The following RARB variants were observed in gnomAD, a reference collection of about 807,000 sequenced individuals.
RARB encodes the protein retinoic acid receptor beta.
RARB carries 17 observed loss-of-function variants against 51.9 expected under a neutral mutation model. The observed-to-expected ratio is 0.33, with a 90% CI of 0.22 to 0.49. The LOEUF (loss-of-function observed/expected upper bound fraction) is 0.49, where lower values mean the gene tolerates loss of function less well. RARB is among the 20% of genes least tolerant of loss of function. RARB has a pLI of 0.99. For synonymous variants in RARB, 215 were observed against 195.4 expected (o/e 1.10, Z -0.84); for missense variants, 369 against 550.8 (o/e 0.67, Z 3.30).
At chr3:25,055,690 C>T (rs1698425205) in intron 2 of RARB, among the ~76,000 whole-genome samples, 1 of 152,008 alleles carries the variant, frequency 6.6e-6, no homozygotes, top group South Asian at 2.1e-4. Context: ...AATAAAGGGA[C>T]AGTAGCAAGC....
intron 3 of RARB, among the ~76,000 whole-genome samples, chr3:25,112,905 T>G (rs1420866145): frequency 6.6e-6 from 1 of 152,174 alleles, no homozygotes; most frequent in Non-Finnish European, 1.5e-5. Flanking sequence ...TGCAAGATCT[T>G]CTGTGTTCTT....
intron 2 of RARB, among the ~76,000 whole-genome samples, chr3:24,995,562 T>G (rs1697003358): frequency 6.6e-6 from 1 of 151,988 alleles, no homozygotes; most frequent in Admixed American, 6.6e-5. Flanking sequence ...TAGAGGAAAA[T>G]CTTTCAGCTT....
chr3:25,396,292 T>G (rs1575369641), intron 5 of RARB, among the ~76,000 whole-genome samples: 1 of 152,206 alleles, frequency 6.6e-6, no homozygotes, highest in Non-Finnish European at 1.5e-5. Context: ...TCTTTGAGGG[T>G]CCTTGGTTGT....
At chr3:25,340,770 AT>A (rs1373303638) in intron 5 of RARB, among the ~76,000 whole-genome samples, 3 of 152,178 alleles carry the variant, frequency 2.0e-5, no homozygotes, top group African/African-American at 7.2e-5. Flanking sequence ...CTGGCAAGGA[AT>A]TTTAGGGAGG....
chr3:25,195,996 G>A (rs765392709), intron 5 of RARB, among the ~76,000 whole-genome samples: 4 of 151,830 alleles, frequency 2.6e-5, no homozygotes, highest in Non-Finnish European at 4.4e-5. Flanking sequence ...CCTCTGCTTC[G>A]AGTCATTTAA....
chr3:25,441,403 C>T lies in RARB; in HGVS notation c.157+12515C>T, dbSNP rs577704913. The T allele has an allele frequency of 6.0e-5, 13 of 218,056 alleles. No individual in the cohort carries two copies. In the South Asian group the frequency reaches 8.1e-4, roughly 14 times the overall value. 13.5% of individuals were successfully genotyped at this position (218,056 alleles called of 1,614,324 possible). A position where few individuals can be genotyped will look rare whatever the true frequency, so the allele number is the denominator to read the frequency against. The stretch of plus-strand genomic sequence containing the variant: ...CTAATTTCACGGAGTACCCCAGTCC[C>T]AGGCCTGTAACAATGAGGTTTCTCC... On this transcript the variant is annotated intron_variant, in intron 1 of 7. Transcript: ENST00000330688.
chr3:25,559,978 A>G (rs1396946971), intron 3 of RARB, among the ~76,000 whole-genome samples: 1 of 152,184 alleles, frequency 6.6e-6, no homozygotes, highest in African/African-American at 2.4e-5. Context: ...TGGATGAAAA[A>G]CACTCCCAGT....
chr3:25,358,167 T>C (rs1705809615), intron 5 of RARB, among the ~76,000 whole-genome samples: 1 of 152,212 alleles, frequency 6.6e-6, no homozygotes, highest in South Asian at 2.1e-4. Flanking sequence ...GAGCAGTGGT[T>C]TGTAGTTCTC....
chr3:25,254,534 C>T (rs954264363), intron 5 of RARB, among the ~76,000 whole-genome samples: 1 of 152,120 alleles, frequency 6.6e-6, no homozygotes, highest in Non-Finnish European at 1.5e-5. Context: ...TGGGACACTA[C>T]CTTAGCAGCC....
intron 5 of RARB, among the ~76,000 whole-genome samples, chr3:25,291,194 T>C (rs1703776882): frequency 6.6e-6 from 1 of 152,178 alleles, no homozygotes; most frequent in South Asian, 2.1e-4. Context: ...TACACAAATA[T>C]ACTCATAGAT....
At chr3:25,518,638 C>A (rs550625611) in intron 3 of RARB, among the ~76,000 whole-genome samples, 4 of 152,128 alleles carry the variant, frequency 2.6e-5, no homozygotes, top group African/African-American at 9.6e-5. Context: ...TTCCTCAAAA[C>A]AAGAGTTGAC....
intron 3 of RARB, among the ~76,000 whole-genome samples, chr3:25,082,861 G>A (rs933202864): frequency 6.6e-6 from 1 of 151,992 alleles, no homozygotes; most frequent in African/African-American, 2.4e-5. Flanking sequence ...GTCTTCTGGT[G>A]CTGAAGTCTA....
intron 4 of RARB, among the ~76,000 whole-genome samples, chr3:25,153,377 A>G (rs1325017548): frequency 1.3e-5 from 2 of 152,192 alleles, no homozygotes; most frequent in Admixed American, 1.3e-4. Context: ...ATGTGGCTCA[A>G]AATCTCATTC....
chr3:25,361,627 T>C (rs531450143), intron 5 of RARB, among the ~76,000 whole-genome samples: 104 of 152,330 alleles, frequency 6.8e-4, no homozygotes, highest in Non-Finnish European at 1.2e-3. Flanking sequence ...TTTATCTACC[T>C]TTGTTCTTTG....
chr3:25,177,739 C>T (rs970939033), intron 5 of RARB, among the ~76,000 whole-genome samples: 8 of 152,186 alleles, frequency 5.3e-5, no homozygotes, highest in African/African-American at 1.9e-4. Flanking sequence ...GCATATTGAA[C>T]TTCTCTAAGC....
At chr3:25,450,315 A>G (rs568373292) in intron 1 of RARB, among the ~76,000 whole-genome samples, 181 of 152,322 alleles carry the variant, frequency 1.2e-3, no homozygotes, top group African/African-American at 4.3e-3. Context: ...ATAATAAAGC[A>G]TTAGCTATTA....
intron 5 of RARB, among the ~76,000 whole-genome samples, chr3:25,418,890 C>T (rs765203827): frequency 6.6e-6 from 1 of 150,510 alleles, no homozygotes; most frequent in Non-Finnish European, 1.5e-5. Context: ...AAATATATTT[C>T]TTTCCCATCC....
chr3:25,087,787 A>G (rs879794321), intron 3 of RARB, among the ~76,000 whole-genome samples: 3 of 151,992 alleles, frequency 2.0e-5, no homozygotes, highest in Non-Finnish European at 4.4e-5. Flanking sequence ...TTAAGGATAA[A>G]AAGAAACACT....
chr3:25,553,173 G>A (rs1575512808), intron 3 of RARB, among the ~76,000 whole-genome samples: 1 of 146,344 alleles, frequency 6.8e-6, no homozygotes, highest in East Asian at 2.0e-4. Flanking sequence ...TTTTTTGAAA[G>A]ATTTGAGTAA....
Sources: allele counts gnomAD v4.1 joint callset (sites outside exome capture counted in the v4.1 genomes callset), GRCh38; gene constraint gnomAD v4.1.1; transcripts MANE v1.5; gene names NCBI Gene and HGNC (gene_info 2026-07-23, HGNC 2026-07-21).